Variants in DNAH5 observed in about 807,000 individuals in gnomAD.
The protein encoded by DNAH5 is dynein axonemal heavy chain 5.
A neutral mutation model predicts 518.2 loss-of-function variants in DNAH5; 372 were observed. The observed-to-expected ratio is 0.72, with a 90% confidence interval of 0.66 to 0.78. The LOEUF (loss-of-function observed/expected upper bound fraction) is 0.78, where lower values mean the gene tolerates loss of function less well. DNAH5 is among the 30% of genes least tolerant of loss of function. DNAH5 has a pLI of 0.00. For synonymous variants in DNAH5, 2,039 were observed against 2,025.9 expected (o/e 1.01, Z -0.17); for missense variants, 5,523 against 5,687.0 (o/e 0.97, Z 0.93).
chr5:13,731,578 T>C (rs183933285), intron 68 of DNAH5, among the ~76,000 whole-genome samples: 79 of 152,248 alleles, frequency 5.2e-4, no homozygotes, highest in Non-Finnish European at 9.9e-4. Flanking sequence ...GATGAATAAA[T>C]AGCTGAAAGG....
intron 42 of DNAH5, among the ~76,000 whole-genome samples, chr5:13,817,179 T>G (rs1761556379): frequency 6.6e-6 from 1 of 152,230 alleles, no homozygotes; most frequent in Non-Finnish European, 1.5e-5. Context: ...ATCAATTCTT[T>G]AAAAATAGGC....
intron 71 of DNAH5, among the ~76,000 whole-genome samples, chr5:13,720,574 A>C (rs1744915342): frequency 6.6e-6 from 1 of 152,062 alleles, no homozygotes; most frequent in Non-Finnish European, 1.5e-5. Context: ...GATGGGGTCT[A>C]TGTTGCCCAA....
chr5:13,991,310 C>T (rs185768078), intron 1 of DNAH5, among the ~76,000 whole-genome samples: 34 of 152,184 alleles, frequency 2.2e-4, no homozygotes, highest in Admixed American at 1.5e-3. Context: ...TTGAGGTCTA[C>T]GGCAAAAAAG....
At chr5:13,729,110 AG>A (rs1471460430) in intron 69 of DNAH5, among the ~76,000 whole-genome samples, 1 of 152,208 alleles carries the variant, frequency 6.6e-6, no homozygotes, top group African/African-American at 2.4e-5. Context: ...AAGAAGGAAA[AG>A]GCTTTTTAAG....
At chr5:13,729,126 T>A (rs965536277) in intron 69 of DNAH5, among the ~76,000 whole-genome samples, 5 of 152,218 alleles carry the variant, frequency 3.3e-5, no homozygotes, top group Non-Finnish European at 1.5e-5. Context: ...TTTAAGTCTA[T>A]CTAATTATTT....
chr5:13,780,780 A>AC, intron 53 of DNAH5, 49 bp downstream of exon 53: 1 of 1,608,822 alleles, frequency 6.2e-7, no homozygotes, highest in Non-Finnish European at 8.5e-7. Context: ...GCCTCTGAGC[A>AC]CCTTTTATCA....
At chr5:13,813,915 G>T (rs1473646841) in intron 43 of DNAH5, among the ~76,000 whole-genome samples, 2 of 152,090 alleles carry the variant, frequency 1.3e-5, no homozygotes, top group Non-Finnish European at 2.9e-5. Flanking sequence ...CTTAGGTGAT[G>T]AAAATATTCA....
chr5:13,747,872 A>C (rs1749625921), intron 65 of DNAH5, among the ~76,000 whole-genome samples: 1 of 152,080 alleles, frequency 6.6e-6, no homozygotes, highest in Admixed American at 6.6e-5. Context: ...TGCTGTGCAG[A>C]AGCTCTTTAG....
At chr5:13,823,089 G>C (rs950602580) in intron 40 of DNAH5, among the ~76,000 whole-genome samples, 174 bp downstream of exon 40, 12 of 152,210 alleles carry the variant, frequency 7.9e-5, no homozygotes, top group Admixed American at 7.8e-4. Context: ...CCCAGGGCAA[G>C]GGGAGTTTGA....
At chr5:13,884,911 C>T (rs1263539437) in intron 19 of DNAH5, 78 bp downstream of exon 19, 23 of 1,557,838 alleles carry the variant, frequency 1.5e-5, no homozygotes, top group Non-Finnish European at 1.7e-5. Context: ...CACGTGCACA[C>T]GTGCACACAC....
chr5:13,907,139 A>G (rs1775404490), intron 12 of DNAH5, among the ~76,000 whole-genome samples: 1 of 152,134 alleles, frequency 6.6e-6, no homozygotes, highest in South Asian at 2.1e-4. Context: ...ATTAGAATCT[A>G]GCAGAACGAG....
chr5:13,867,941 T>A lies in DNAH5; in HGVS notation c.3886A>T (p.Ile1296Leu). 1 of 1,614,038 alleles carries A rather than the reference T, an allele frequency of 6.2e-7. No homozygotes were observed. The highest frequency in any genetic ancestry group is 8.5e-7 in the Non-Finnish European group (1 of 1,179,954). The change falls in exon 25 of 79, where the codon ATA becomes TTA. Residue 1296 changes from isoleucine (I) to leucine (L), a missense_variant. By Grantham distance (5) the Ile-to-Leu change is conservative (BLOSUM62 2). This residue lies in a region of DNAH5 where 5,121 missense variants were observed against 5,223.3 expected (regional missense o/e 0.98). Coordinates refer to ENST00000265104, the MANE Select transcript of DNAH5 (RefSeq NM_001369.3). ...TAGTGCAGTGTATCAACTTTGTCTA[T>A]CTCTTCCCTTGCTATCAGAAGTCCA... ...RYGLLIAREE[I>L]DKVDTLHYAW... is the part of the protein sequence containing the mutation.
chr5:13,839,302 T>A, intron 35 of DNAH5, 54 bp downstream of exon 35: 1 of 1,566,982 alleles, frequency 6.4e-7, no homozygotes. Flanking sequence ...AAAAATCCCC[T>A]GAGCAACTCG....
rs1383353170 is a variant in DNAH5 at position 13,902,056 on chromosome 5, T to C, written c.1727A>G (p.Glu576Gly). ...GACAATTTCTTGAAAATTTTACCTTTCAAATTTCTTCAACATTCTTAGAGC... is the reference window on the plus strand; with the variant it reads ...GACAATTTCTTGAAAATTTTACCTTCCAAATTTCTTCAACATTCTTAGAGC... ...NQALRMLKKF[E>G]RLNIPNLGID... The change falls in exon 13 of 79, where the codon GAA becomes GGA. Residue 576 changes from glutamate to glycine, a missense_variant. Physicochemically the swap from Glu to Gly is moderately conservative, Grantham distance 98. This residue lies in a region of DNAH5 where 5,121 missense variants were observed against 5,223.3 expected (regional missense o/e 0.98). Transcript: ENST00000265104. The C allele has an allele frequency of 2.5e-6, 4 of 1,593,492 alleles. No individual in the cohort carries two copies. Among genetic ancestry groups the C allele is most frequent in the Non-Finnish European group, 3.4e-6 (4 of 1,165,888 alleles).
intron 16 of DNAH5, among the ~76,000 whole-genome samples, chr5:13,892,575 A>G (rs1773411025): frequency 6.6e-6 from 1 of 152,366 alleles, no homozygotes. Context: ...GAAAAACATA[A>G]TAGAAAACAA....
At chr5:13,919,411 TAA>T in intron 6 of DNAH5, 59 bp from the exon 7 acceptor site, 1 of 1,584,322 alleles carries the variant, frequency 6.3e-7, no homozygotes, top group Non-Finnish European at 8.6e-7. Context: ...GCTAAAGTTA[TAA>T]ACAAGCAAAA....
intron 31 of DNAH5, among the ~76,000 whole-genome samples, chr5:13,846,903 C>A (rs1046856671): frequency 2.6e-5 from 4 of 151,858 alleles, no homozygotes; most frequent in Non-Finnish European, 5.9e-5. Flanking sequence ...CTAAACTTTT[C>A]TCAGTTTAAA....
At chr5:13,714,877 G>A (rs1308934673) in intron 74 of DNAH5, among the ~76,000 whole-genome samples, 1 of 152,164 alleles carries the variant, frequency 6.6e-6, no homozygotes, top group Non-Finnish European at 1.5e-5. Flanking sequence ...AAGAGAGACT[G>A]TCTTGTTATA....
chr5:13,961,696 C>T (rs1470074791), intron 1 of DNAH5, among the ~76,000 whole-genome samples: 3 of 152,046 alleles, frequency 2.0e-5, no homozygotes, highest in Non-Finnish European at 4.4e-5. Flanking sequence ...GTGACTCGTC[C>T]AAAGCCCACG....
Sources: allele counts gnomAD v4.1 joint callset (sites outside exome capture counted in the v4.1 genomes callset), GRCh38; gene constraint gnomAD v4.1.1; regional missense constraint gnomAD v4.1.1; transcripts MANE v1.5; gene names NCBI Gene and HGNC (gene_info 2026-07-23, HGNC 2026-07-21).